KCNH5: variants seen among roughly 807,000 people sequenced by gnomAD.
KCNH5 encodes the protein potassium voltage-gated channel subfamily H member 5.
Under a neutral mutation model 96.1 loss-of-function variants are expected in KCNH5, and 46 were observed. The ratio of observed to expected loss-of-function variants is 0.48; its 90% CI spans 0.38 to 0.61. The LOEUF is 0.61. Among genes scored for constraint, KCNH5 ranks in the 20% least tolerant of loss-of-function variants. The probability of loss-of-function intolerance (pLI) is 0.00; values close to 1 mark genes in which losing one functional copy is unlikely to be tolerated. For missense variants in KCNH5, 907 were observed against 1,225.8 expected, an observed-to-expected ratio of 0.74 and a Z score of 3.88; for synonymous variants, 439 against 449.8, an observed-to-expected ratio of 0.98 and a Z score of 0.30.
intron 7 of KCNH5, among the ~76,000 whole-genome samples, chr14:62,894,731 T>G (rs1888777955): frequency 6.6e-6 from 1 of 152,216 alleles, no homozygotes. Context: ...CAGTCTTACT[T>G]TCTCTTTGCA....
chr14:62,767,240 T>C (rs1885880507), intron 10 of KCNH5, among the ~76,000 whole-genome samples: 1 of 152,166 alleles, frequency 6.6e-6, no homozygotes, highest in African/African-American at 2.4e-5. Context: ...TTAAATTAGT[T>C]CACCTACTGT....
At chr14:62,960,158 A>G (rs1184178426) in intron 6 of KCNH5, among the ~76,000 whole-genome samples, 7 of 152,180 alleles carry the variant, frequency 4.6e-5, no homozygotes, top group Admixed American at 4.6e-4. Flanking sequence ...GGAATGTTCT[A>G]TAATTCTTTC....
intron 10 of KCNH5, among the ~76,000 whole-genome samples, chr14:62,744,202 A>G (rs76406032): frequency 0.031 from 4,771 of 152,248 alleles, 131 homozygotes; most frequent in South Asian, 0.061. Context: ...AAAAATTAAT[A>G]AACTTTTCAA....
rs537482800 is a variant in KCNH5, at chr14:62,945,058, G to A, written c.1369+5075C>T. ...GAGGAGAAATGGAAATTTAGATCTA[G>A]CAAGTATAATTGGCTATTCATGAAG... On this transcript the variant is annotated intron_variant, in intron 7 of 10. Transcript: ENST00000322893. Among the ~76,000 whole-genome samples, 8 of 152,268 alleles carry A rather than the reference G, an allele frequency of 5.3e-5. No individual in the cohort carries two copies. The South Asian group carries it at 1.7e-3, about 32-fold the overall frequency.
intron 5 of KCNH5, among the ~76,000 whole-genome samples, chr14:62,983,410 A>G (rs1356439453): frequency 2.6e-5 from 4 of 151,932 alleles, no homozygotes; most frequent in African/African-American, 4.8e-5. Context: ...GTATATATAC[A>G]TATATATACA....
chr14:62,705,083 C>T lies in KCNH5; in HGVS notation c.*2425G>A, dbSNP rs1394207994. On this transcript the variant is annotated 3_prime_UTR_variant, in exon 11 of 11. Transcript: ENST00000322893. ...AAACAATTGATACTTTCCCTCCTTC[C>T]TAACAATCTGGAGTAATTCAAAACC... 1 of 151,956 alleles carries T rather than the reference C, an allele frequency of 6.6e-6. No individual in the cohort carries two copies. The highest frequency in any genetic ancestry group is 2.4e-5 in the African/African-American group (1 of 41,436). 9.4% of individuals were successfully genotyped at this position (151,956 alleles called of 1,614,324 possible). A position where few individuals can be genotyped will look rare whatever the true frequency, so the allele number is the denominator to read the frequency against.
chr14:62,920,113 TG>T (rs1889352089), intron 7 of KCNH5, among the ~76,000 whole-genome samples: 1 of 152,096 alleles, frequency 6.6e-6, no homozygotes, highest in Non-Finnish European at 1.5e-5. Flanking sequence ...GCCAGTTGAA[TG>T]TGGGAATGGA....
chr14:62,962,277 G>A (rs551306036), intron 6 of KCNH5, among the ~76,000 whole-genome samples: 9 of 152,224 alleles, frequency 5.9e-5, no homozygotes, highest in African/African-American at 1.7e-4. Flanking sequence ...AGTGCCACAC[G>A]CGCCTGCCTG....
At chr14:62,949,111 G>C (rs1889950507) in intron 7 of KCNH5, among the ~76,000 whole-genome samples, 1 of 151,990 alleles carries the variant, frequency 6.6e-6, no homozygotes, top group African/African-American at 2.4e-5. Context: ...AGACAAGGAT[G>C]CCCTCTCTCA....
At chr14:62,878,319 C>T (rs1888424241) in intron 7 of KCNH5, among the ~76,000 whole-genome samples, 1 of 151,340 alleles carries the variant, frequency 6.6e-6, no homozygotes, top group African/African-American at 2.4e-5. Flanking sequence ...GCACATGGTG[C>T]ACATGTACCC....
intron 2 of KCNH5, among the ~76,000 whole-genome samples, chr14:63,013,620 C>T (rs545586954): frequency 6.6e-6 from 1 of 152,002 alleles, no homozygotes; most frequent in East Asian, 1.9e-4. Context: ...CACTTAAAGG[C>T]TTTTCTGGAT....
chr14:62,848,735 GA>G (rs2140044639), intron 8 of KCNH5, among the ~76,000 whole-genome samples: 1 of 151,438 alleles, frequency 6.6e-6, no homozygotes, highest in African/African-American at 2.4e-5. Context: ...AGGTCTTAAA[GA>G]AAAACCGTAA....
intron 4 of KCNH5, among the ~76,000 whole-genome samples, chr14:62,994,354 A>T (rs1232899109): frequency 6.6e-6 from 1 of 152,180 alleles, no homozygotes; most frequent in East Asian, 1.9e-4. Flanking sequence ...TTATCTTGGC[A>T]GTTTTGGAGT....
At chr14:62,864,891 C>A (rs539068080) in intron 7 of KCNH5, among the ~76,000 whole-genome samples, 1 of 152,210 alleles carries the variant, frequency 6.6e-6, no homozygotes, top group African/African-American at 2.4e-5. Flanking sequence ...CTGCAGTAGG[C>A]AGGAAGGAGC....
intron 7 of KCNH5, among the ~76,000 whole-genome samples, chr14:62,936,250 G>T (rs1325543562): frequency 2.6e-5 from 4 of 152,136 alleles, no homozygotes; most frequent in African/African-American, 9.7e-5. Context: ...ATAAGGCAAA[G>T]AGAATGCAAG....
At chr14:63,008,558 T>C (rs1262025797) in intron 2 of KCNH5, among the ~76,000 whole-genome samples, 1 of 152,052 alleles carries the variant, frequency 6.6e-6, no homozygotes, top group South Asian at 2.1e-4. Flanking sequence ...AGATCAAAGA[T>C]TGTCCAAGCA....
chr14:62,839,015 C>T (rs987586427), intron 8 of KCNH5, among the ~76,000 whole-genome samples: 1 of 152,044 alleles, frequency 6.6e-6, no homozygotes, highest in Non-Finnish European at 1.5e-5. Flanking sequence ...TGTACATAAC[C>T]TTGGACTTGG....
chr14:62,847,386 G>A (rs1887721751), intron 8 of KCNH5, among the ~76,000 whole-genome samples: 1 of 151,998 alleles, frequency 6.6e-6, no homozygotes, highest in South Asian at 2.1e-4. Context: ...TCTAAGCCCA[G>A]AATTTGGCAG....
chr14:62,958,187 T>C (rs1271941399), intron 6 of KCNH5, among the ~76,000 whole-genome samples: 2 of 152,220 alleles, frequency 1.3e-5, no homozygotes, highest in Non-Finnish European at 2.9e-5. Context: ...TTATCTGTTA[T>C]ATTCAGAAAT....
Sources: gnomAD v4.1 joint callset for allele counts (sites outside exome capture counted in the v4.1 genomes callset) on GRCh38, gnomAD v4.1.1 for gene constraint, MANE v1.5 for transcripts, NCBI Gene and HGNC (gene_info 2026-07-23, HGNC 2026-07-21) for gene names.